Variants in ZFYVE28 observed in about 807,000 individuals in gnomAD.
The protein encoded by ZFYVE28 is zinc finger FYVE-type containing 28.
A neutral mutation model predicts 82.1 loss-of-function variants in ZFYVE28; 40 were observed. That is an observed-to-expected ratio of 0.49 (90% CI 0.38 to 0.63). ZFYVE28 has a LOEUF of 0.63. Ranked by LOEUF, ZFYVE28 falls within the 30% of genes least tolerant of loss-of-function variation. The pLI, the probability that ZFYVE28 is intolerant of heterozygous loss-of-function variation, is 0.00. For synonymous variants in ZFYVE28, 612 were observed against 546.1 expected, an observed-to-expected ratio of 1.12 and a Z score of -1.68; for missense variants, 1,321 against 1,242.1, an observed-to-expected ratio of 1.06 and a Z score of -0.96.
chr4:2,391,575 C>A (rs1729834806), intron 1 of ZFYVE28, among the ~76,000 whole-genome samples: 1 of 150,404 alleles, frequency 6.6e-6, no homozygotes, highest in African/African-American at 2.4e-5. Context: ...GTACCACCAT[C>A]CCCACCATCC....
At chr4:2,393,594 A>G (rs1249165161) in intron 1 of ZFYVE28, among the ~76,000 whole-genome samples, 1 of 152,210 alleles carries the variant, frequency 6.6e-6, no homozygotes, top group East Asian at 1.9e-4. Context: ...AGCCACATGT[A>G]GCCCTGAAGT....
rs1721494604 is a variant in ZFYVE28 at position 2,335,253 on chromosome 4, C to G, written c.701+452G>C. 6.6e-6 allele frequency among the ~76,000 whole-genome samples: 1 copy of G among 152,044 alleles called. No individual in the cohort carries two copies. Among genetic ancestry groups the G allele is most frequent in the South Asian group, 2.1e-4 (1 of 4,824 alleles). On this transcript the variant is annotated intron_variant, in intron 6 of 12. Transcript: ENST00000290974. This position sits in a 1 kb window ranked among gnomAD's most constrained non-coding sequence, Gnocchi z 5.8. ...CAATGTGCTTCACCTCCCTGCCAGC[C>G]CCCAAATTATTCAAACAAGCCAATC...
chr4:2,337,378 C>A (rs777899088), intron 5 of ZFYVE28, 29 bp downstream of exon 5: 1 of 1,570,224 alleles, frequency 6.4e-7, no homozygotes, highest in Non-Finnish European at 8.7e-7. Context: ...CAGATGCTGC[C>A]CCCAGCCCCT....
chr4:2,406,062 A>AGAAAAG (rs11451239), intron 1 of ZFYVE28, among the ~76,000 whole-genome samples: 18,306 of 125,060 alleles, frequency 0.15, 1,517 homozygotes, highest in East Asian at 0.33. Context: ...AAAAAAAAAA[A>AGAAAAG]AAAGAAAGAA....
intron 7 of ZFYVE28, among the ~76,000 whole-genome samples, chr4:2,308,671 A>AAG (rs1553830654): frequency 2.7e-5 from 3 of 111,226 alleles, no homozygotes; most frequent in African/African-American, 1.1e-4. Context: ...GAAAGAAAGA[A>AAG]AGAAAGAGAA....
At chr4:2,336,852 T>G (rs1207212756) in intron 5 of ZFYVE28, among the ~76,000 whole-genome samples, 19 of 73,574 alleles carry the variant, frequency 2.6e-4, no homozygotes, top group Admixed American at 3.7e-4. Context: ...AGGTGAGGAG[T>G]GAGAAGGTGA....
At chr4:2,389,668 CTCTG>C (rs1214616739) in intron 1 of ZFYVE28, among the ~76,000 whole-genome samples, 2 of 152,198 alleles carry the variant, frequency 1.3e-5, no homozygotes, top group African/African-American at 4.8e-5. Flanking sequence ...GATCCGGCTC[CTCTG>C]TCTTTCTCAG....
rs17132454 is a variant in ZFYVE28 at position 2,317,433 on chromosome 4, G to A, written c.803+2737C>T. ...GAGGTCCATTGTTGCATTCCCTTCG[G>A]ACACGGAGTAGGTTGAGGTTTGGCT... On this transcript the variant is annotated intron_variant, in intron 7 of 12. Transcript: ENST00000290974. Among the ~76,000 whole-genome samples, 396 of 152,224 alleles carry A rather than the reference G, an allele frequency of 2.6e-3. 19 individuals are homozygous for A. In the East Asian group the frequency reaches 0.062, roughly 24 times the overall value.
intron 1 of ZFYVE28, among the ~76,000 whole-genome samples, chr4:2,359,186 T>A (rs1461100770): frequency 6.6e-6 from 1 of 151,692 alleles, no homozygotes; most frequent in Admixed American, 6.6e-5. Context: ...TTTCATCGTG[T>A]CAGCCAGGAT....
intron 5 of ZFYVE28, among the ~76,000 whole-genome samples, chr4:2,336,079 G>A (rs770777286): frequency 5.9e-5 from 9 of 152,208 alleles, no homozygotes; most frequent in African/African-American, 1.2e-4. Flanking sequence ...GGGAGGATGT[G>A]TGAGGACAGC....
intron 9 of ZFYVE28, 129 bp from the exon 10 acceptor site, chr4:2,273,418 G>A (rs736455): frequency 0.49 from 381,129 of 779,418 alleles, 98,577 homozygotes; most frequent in Admixed American, 0.54. Context: ...AGATCAGTCA[G>A]GGAGGGAGGA....
At chr4:2,338,531 C>T (rs190909653) in intron 4 of ZFYVE28, among the ~76,000 whole-genome samples, 9 of 152,010 alleles carry the variant, frequency 5.9e-5, no homozygotes, top group Admixed American at 2.6e-4. Context: ...AGGTGGAGGT[C>T]GCGGTGAGCT....
intron 8 of ZFYVE28, among the ~76,000 whole-genome samples, chr4:2,290,695 G>A (rs534343185): frequency 1.3e-5 from 2 of 152,308 alleles, no homozygotes; most frequent in Non-Finnish European, 2.9e-5. Flanking sequence ...CTCCTGCTGT[G>A]GGGCAGGGGC....
At chr4:2,273,069 A>G (rs1736059458) in intron 10 of ZFYVE28, 104 bp downstream of exon 10, 2 of 940,942 alleles carry the variant, frequency 2.1e-6, no homozygotes, top group South Asian at 1.6e-5. Context: ...TCGGGACCCT[A>G]TCTCCCCAGG....
Position 2,320,257 on chromosome 4 carries a change from T to C in ZFYVE28, c.716A>G (p.Tyr239Cys), listed in dbSNP as rs1329101410. 1.2e-6 allele frequency: 2 copies of C among 1,613,182 alleles called. No individual in the cohort carries two copies. The highest frequency in any genetic ancestry group is 1.7e-6 in the Non-Finnish European group (2 of 1,179,576). The part of the protein sequence containing the change: ...RLAIVCGLVV[Y>C]ADGPLNLDRK... ...GTCCAAGTTCAGAGGTCCGTCCGCA[T>C]AGACCACGAGGCCACTGCATTTGAG... The change falls in exon 7 of 13, where the codon TAT becomes TGT. Residue 239 changes from tyrosine (Y) to cysteine (C), a missense_variant. Tyr to Cys is a radical substitution (Grantham distance 194). Around this residue, in one of 2 missense-constraint regions of ZFYVE28, gnomAD observed 343 missense variants for 408.4 expected, o/e 0.84. Transcript: ENST00000290974. This position sits in a 1 kb window ranked among gnomAD's most constrained non-coding sequence, Gnocchi z 5.1.
chr4:2,320,033 T>A lies in ZFYVE28; in HGVS notation c.803+137A>T. Reference sequence around the variant, plus strand: ...CCATGGGTCGTTTGTGACCCCTCCCTAGGGAATATTAACCAGCCCATCCTT... The same window carrying A: ...CCATGGGTCGTTTGTGACCCCTCCCAAGGGAATATTAACCAGCCCATCCTT... On this transcript the variant is annotated intron_variant, in intron 7 of 12. Coordinates refer to ENST00000290974, the MANE Select transcript of ZFYVE28 (RefSeq NM_020972.3). The surrounding 1 kb of genome is among the most constrained non-coding windows in gnomAD (Gnocchi z 5.1). 1 of 837,470 alleles carries A rather than the reference T, an allele frequency of 1.2e-6. No individual in the cohort carries two copies. 51.9% of individuals were successfully genotyped at this position (837,470 alleles called of 1,614,324 possible). A position where few individuals can be genotyped will look rare whatever the true frequency, so the allele number is the denominator to read the frequency against.
chr4:2,281,844 A>G lies in ZFYVE28; in HGVS notation c.2052-7628T>C, dbSNP rs576016950. On this transcript the variant is annotated intron_variant, in intron 8 of 12. Coordinates refer to ENST00000290974, the MANE Select transcript of ZFYVE28 (RefSeq NM_020972.3). ...GGAGGACCTCAGGGGTAGATCAGAC[A>G]CTATGTGTCCCCCAAAAGCCAAGTC... Among the ~76,000 whole-genome samples the G allele has an allele frequency of 3.9e-5, 6 of 152,284 alleles. No homozygotes were observed. In the South Asian group the frequency reaches 1.2e-3, roughly 32 times the overall value.
At chr4:2,400,954 G>T (rs968686842) in intron 1 of ZFYVE28, among the ~76,000 whole-genome samples, 3 of 152,200 alleles carry the variant, frequency 2.0e-5, no homozygotes, top group African/African-American at 7.2e-5. Flanking sequence ...CACACAGGGT[G>T]AAAAATTCTA....
In ZFYVE28 at chr4:2,337,877, T is replaced by TACACACACACACACACACACACACAC. The variant is rs57325124; in HGVS notation, c.522-382_522-381insGTGTGTGTGTGTGTGTGTGTGTGTGT. Among the ~76,000 whole-genome samples, 114 of 151,090 alleles carry TACACACACACACACACACACACACAC rather than the reference T, an allele frequency of 7.5e-4. 5 individuals are homozygous for TACACACACACACACACACACACACAC. In the East Asian group the frequency reaches 0.016, roughly 21 times the overall value. ...CAAAGCAAGACCTTTTCTCTTAAAATACACACACACACCCTACACCACCAT... is the reference window on the plus strand; with the variant it reads ...CAAAGCAAGACCTTTTCTCTTAAAATACACACACACACACACACACACACACACACACACACACCCTACACCACCAT... On this transcript the variant is annotated intron_variant, in intron 4 of 12. Coordinates refer to ENST00000290974, the MANE Select transcript of ZFYVE28 (RefSeq NM_020972.3).
Sources: gnomAD v4.1 joint callset for allele counts (sites outside exome capture counted in the v4.1 genomes callset) on GRCh38, gnomAD v4.1.1 for gene constraint, gnomAD v4.1.1 regional missense constraint, Gnocchi (gnomAD v3.1) non-coding constraint, MANE v1.5 for transcripts, NCBI Gene and HGNC (gene_info 2026-07-23, HGNC 2026-07-21) for gene names.